Variants in MDN1 observed in about 807,000 individuals in gnomAD.
MDN1 encodes the protein midasin.
MDN1 carries 266 observed loss-of-function variants against 669.2 expected under a neutral mutation model. The ratio of observed to expected loss-of-function variants is 0.40; its 90% CI spans 0.36 to 0.44. MDN1 has a LOEUF of 0.44. Among genes scored for constraint, MDN1 ranks in the 20% least tolerant of loss-of-function variants. The pLI is 1.00. For missense variants in MDN1, 5,940 were observed against 6,754.0 expected (o/e 0.88, Z 4.22); for synonymous variants, 2,385 against 2,457.1 (o/e 0.97, Z 0.87).
In MDN1 at chr6:89,725,168, C is replaced by A. The variant is rs1489117993; in HGVS notation, c.5670+31G>T. 5.6e-6 allele frequency: 9 copies of A among 1,603,770 alleles called. No individual in the cohort carries two copies. The Admixed American group carries it at 1.0e-4, about 18-fold the overall frequency. On this transcript the variant is annotated intron_variant, in intron 38 of 101. Transcript: ENST00000369393. ...GTAGTCTTATCCCCTCCGAGTCTAT[C>A]TTTGGTCTCTATGGCAACAGCAAAT...
At chr6:89,729,586 G>C (rs1441334996) in intron 35 of MDN1, among the ~76,000 whole-genome samples, 1 of 150,744 alleles carries the variant, frequency 6.6e-6, no homozygotes, top group Non-Finnish European at 1.5e-5. Context: ...TCCTTAACCT[G>C]TAAGTTAACT....
chr6:89,654,697 A>G (rs1277139579), intron 92 of MDN1, among the ~76,000 whole-genome samples: 3 of 152,172 alleles, frequency 2.0e-5, no homozygotes, highest in African/African-American at 4.8e-5. Context: ...ACAATAATTT[A>G]TTATATATTT....
chr6:89,716,573 C>G (rs1323094641), intron 44 of MDN1, 77 bp downstream of exon 44: 1 of 1,492,074 alleles, frequency 6.7e-7, no homozygotes, highest in Non-Finnish European at 9.0e-7. Flanking sequence ...AATACCAGCA[C>G]TTCTATCTGG....
At chr6:89,813,476 A>G (rs1236348723) in intron 1 of MDN1, among the ~76,000 whole-genome samples, 1 of 150,082 alleles carries the variant, frequency 6.7e-6, no homozygotes, top group Admixed American at 6.7e-5. Context: ...GCTTGAACCC[A>G]GGAGGCGGAG....
At position 89,750,347 on chromosome 6, in the gene MDN1, AC is replaced by A. The variant is rs1475795361; in HGVS notation, c.3406+6del. On this transcript the variant is annotated splice_donor_region_variant and intron_variant, in intron 24 of 101. Transcript: ENST00000369393. ...CCTATGTCCATGGAATGGAATCTTA[AC>A]CCTACCTTCCTTAAAGACAAGCTTC... The A allele has an allele frequency of 1.2e-6, 2 of 1,601,014 alleles. No individual in the cohort carries two copies. The highest frequency in any genetic ancestry group is 1.7e-6 in the Non-Finnish European group (2 of 1,169,230).
At position 89,737,009 on chromosome 6, in the gene MDN1, A is replaced by G. The variant is rs759240136; in HGVS notation, c.4723+1317T>C. ...AGAAACACTGGGTGTGGGGCCCTGT[A>G]AGCTGCACTTCAACAAGCCCTCCAA... On this transcript the variant is annotated intron_variant, in intron 33 of 101. Transcript: ENST00000369393. Among the ~76,000 whole-genome samples the G allele has an allele frequency of 5.2e-4, 79 of 152,296 alleles. 1 individual carries two copies. Among genetic ancestry groups the G allele is most frequent in the African/African-American group, 1.8e-3 (75 of 41,564 alleles).
intron 2 of MDN1, among the ~76,000 whole-genome samples, chr6:89,802,535 T>G (rs1397151159): frequency 6.6e-6 from 1 of 151,974 alleles, no homozygotes; most frequent in African/African-American, 2.4e-5. Flanking sequence ...ATACAAAAAT[T>G]AGCTGGGCGT....
rs983280901 is a variant in MDN1 at position 89,653,221 on chromosome 6, A to G, written c.15662-66T>C. 2.8e-6 allele frequency: 4 copies of G among 1,445,438 alleles called. No individual in the cohort carries two copies. The African/African-American group carries it at 4.3e-5, about 15-fold the overall frequency. 89.5% of individuals were successfully genotyped at this position (1,445,438 alleles called of 1,614,324 possible). A position where few individuals can be genotyped will look rare whatever the true frequency, so the allele number is the denominator to read the frequency against. On this transcript the variant is annotated intron_variant, in intron 93 of 101. Coordinates refer to ENST00000369393, the MANE Select transcript of MDN1 (RefSeq NM_014611.3). ...CCTGATGACTGACCAAGCCTTTGCT[A>G]TTGCCTGTTAATCCTGAAAATTAAT... is the stretch of plus-strand genomic sequence containing the variant.
At position 89,683,254 on chromosome 6, in the gene MDN1, T is replaced by C. The variant is rs1483585849; in HGVS notation, c.11980A>G (p.Lys3994Glu). ...PCRSSLVESD[K>E]EEQPDFLPRP... ...GGCAAAAAGTCAGGCTGTTCTTCCT[T>C]GTCACTCTCCACCAGGGATGACCGG... The change falls in exon 73 of 102, where the codon AAG becomes GAG. Residue 3994 changes from lysine to glutamate, a missense_variant. Physicochemically the swap from Lys to Glu is moderately conservative, Grantham distance 56. Transcript: ENST00000369393. 22 of 1,614,060 alleles carry C rather than the reference T, an allele frequency of 1.4e-5. 1 individual carries two copies. In the South Asian group the frequency reaches 2.2e-4, roughly 16 times the overall value.
At chr6:89,724,574 T>C (rs1179797340) in intron 38 of MDN1, among the ~76,000 whole-genome samples, 2 of 152,206 alleles carry the variant, frequency 1.3e-5, no homozygotes, top group African/African-American at 2.4e-5. Context: ...TGATCCACCA[T>C]GCCCAGCCAA....
Position 89,661,510 on chromosome 6 carries a change from A to T in MDN1, c.14634T>A (p.Ala4878=), listed in dbSNP as rs143661927. The change falls in exon 88 of 102, where the codon GCT becomes GCA. Residue 4878 remains alanine (A), a synonymous_variant. Coordinates refer to ENST00000369393, the MANE Select transcript of MDN1 (RefSeq NM_014611.3). ...GNQEKVPEPE[A]LDLPDDLNLD... ...GGTTCAAGTCATCTGGAAGGTCCAA[A>T]GCCTCGGGTTCTGGCACCTTTTCCT... 336 of 1,614,068 alleles carry T rather than the reference A, an allele frequency of 2.1e-4. No homozygotes were observed. The highest frequency in any genetic ancestry group is 2.8e-4 in the Non-Finnish European group (327 of 1,180,020).
chr6:89,736,287 G>A (rs1815966597), intron 33 of MDN1, among the ~76,000 whole-genome samples: 1 of 152,196 alleles, frequency 6.6e-6, no homozygotes, highest in Admixed American at 6.5e-5. Flanking sequence ...TGGGCTCAGA[G>A]GTAAGTCCTC....
chr6:89,767,897 T>C (rs1266375984), intron 15 of MDN1, among the ~76,000 whole-genome samples: 1 of 151,542 alleles, frequency 6.6e-6, no homozygotes, highest in Non-Finnish European at 1.5e-5. Flanking sequence ...AAAAATTAGC[T>C]GGGTATGGTG....
At chr6:89,687,066 T>A (rs376033667) in intron 68 of MDN1, 43 bp from the exon 69 acceptor site, 1 of 1,602,060 alleles carries the variant, frequency 6.2e-7, no homozygotes, top group Non-Finnish European at 8.5e-7. Flanking sequence ...GAAAACCTAT[T>A]TGAAATATCT....
chr6:89,730,448 C>A (rs1815515010), intron 35 of MDN1, among the ~76,000 whole-genome samples: 1 of 152,182 alleles, frequency 6.6e-6, no homozygotes, highest in Admixed American at 6.5e-5. Context: ...TAGAGCTTTA[C>A]TATAGGAAAG....
Position 89,667,763 on chromosome 6 carries a change from T to C in MDN1, c.14094+251A>G, listed in dbSNP as rs1562058281. 1.3e-5 allele frequency among the ~76,000 whole-genome samples: 2 copies of C among 151,788 alleles called. No homozygotes were observed. Among genetic ancestry groups the C allele is most frequent in the Admixed American group, 6.6e-5 (1 of 15,250 alleles). On this transcript the variant is annotated intron_variant, in intron 84 of 101. Coordinates refer to ENST00000369393, the MANE Select transcript of MDN1 (RefSeq NM_014611.3). ...AAAATCATCAGTAAATATCTGCCCA[T>C]TTAAAAAAAAAAAGTAAAAATCATT...
intron 27 of MDN1, among the ~76,000 whole-genome samples, chr6:89,745,909 A>G (rs1232910505): frequency 6.6e-6 from 1 of 152,252 alleles, no homozygotes. Flanking sequence ...AAAATGATCC[A>G]GATGTCCATA....
At position 89,683,206 on chromosome 6, in the gene MDN1, T is replaced by C; in HGVS notation, c.12028A>G (p.Ser4010Gly). ...AGATTCTGAATGGAAGACAGTTCAC[T>C]TGCAGCTCCATCTGTTGGCCTGGGC... ...FLPRPTDGAA[S>G]ELSSIQNLNR... is the part of the protein sequence containing the mutation. Residue 4010 changes from serine (S) to glycine (G), a missense_variant, in exon 73 of 102, where the codon AGT becomes GGT. Ser to Gly is a moderately conservative substitution (Grantham distance 56, BLOSUM62 0). Around this residue, in one of 5 missense-constraint regions of MDN1, gnomAD observed 2,280 missense variants for 2,576.3 expected, o/e 0.88. Transcript: ENST00000369393. 1.2e-6 allele frequency: 2 copies of C among 1,614,150 alleles called. No individual in the cohort carries two copies. Among genetic ancestry groups the C allele is most frequent in the Non-Finnish European group, 1.7e-6 (2 of 1,180,026 alleles).
intron 26 of MDN1, among the ~76,000 whole-genome samples, chr6:89,748,261 G>A (rs568755722): frequency 5.9e-5 from 9 of 152,278 alleles, no homozygotes; most frequent in African/African-American, 2.2e-4. Flanking sequence ...GGGAGGCGGA[G>A]GTTGCAGTGA....
Sources: gnomAD v4.1 joint callset for allele counts (sites outside exome capture counted in the v4.1 genomes callset) on GRCh38, gnomAD v4.1.1 for gene constraint, gnomAD v4.1.1 regional missense constraint, MANE v1.5 for transcripts, NCBI Gene and HGNC (gene_info 2026-07-23, HGNC 2026-07-21) for gene names.